PPM1L: variants seen among roughly 807,000 people sequenced by gnomAD.
PPM1L encodes protein phosphatase 1L.
In PPM1L, 13 loss-of-function variants were observed where a neutral mutation model predicts 31.4. That is an observed-to-expected ratio of 0.41 (90% CI 0.27 to 0.66). The LOEUF (loss-of-function observed/expected upper bound fraction) is 0.66, where lower values mean the gene tolerates loss of function less well. PPM1L is among the 30% of genes least tolerant of loss of function. The pLI, the probability that PPM1L is intolerant of heterozygous loss-of-function variation, is 0.29. For synonymous variants in PPM1L, 184 were observed against 175.4 expected, an observed-to-expected ratio of 1.05 and a Z score of -0.39; for missense variants, 326 against 453.7, an observed-to-expected ratio of 0.72 and a Z score of 2.56.
chr3:160,777,433 T>C (rs571315277), intron 1 of PPM1L, among the ~76,000 whole-genome samples: 1 of 152,362 alleles, frequency 6.6e-6, no homozygotes, highest in East Asian at 1.9e-4. Flanking sequence ...AGTAGTGTTA[T>C]ATGTGTTCAC....
chr3:160,935,119 AG>A (rs1483123183), intron 1 of PPM1L, among the ~76,000 whole-genome samples: 1 of 152,146 alleles, frequency 6.6e-6, no homozygotes, highest in African/African-American at 2.4e-5. Context: ...GCATGAGTGA[AG>A]ACCTGTGTGT....
At chr3:160,785,830 CTGT>C (rs1338303988) in intron 1 of PPM1L, among the ~76,000 whole-genome samples, 1 of 142,228 alleles carries the variant, frequency 7.0e-6, no homozygotes, top group Non-Finnish European at 1.5e-5. Context: ...CAGCGGTGCA[CTGT>C]TTTTTTTTTT....
intron 1 of PPM1L, among the ~76,000 whole-genome samples, chr3:160,877,038 G>C (rs933261423): frequency 2.0e-5 from 3 of 152,176 alleles, no homozygotes; most frequent in Non-Finnish European, 2.9e-5. Flanking sequence ...GTCTAGGTTT[G>C]CAGGAATCCA....
At chr3:160,957,752 A>AT (rs1303672978) in intron 1 of PPM1L, among the ~76,000 whole-genome samples, 2 of 151,528 alleles carry the variant, frequency 1.3e-5, no homozygotes, top group Non-Finnish European at 2.9e-5. Flanking sequence ...AATTTTTTGT[A>AT]TTTTTAGTAG....
chr3:160,848,376 T>G (rs1353429536), intron 1 of PPM1L, among the ~76,000 whole-genome samples: 2 of 152,042 alleles, frequency 1.3e-5, no homozygotes, highest in Non-Finnish European at 2.9e-5. Flanking sequence ...TCTAGTGGAC[T>G]TTTTTTTCCC....
chr3:160,815,960 A>G (rs1024588522), intron 1 of PPM1L, among the ~76,000 whole-genome samples: 4 of 152,152 alleles, frequency 2.6e-5, no homozygotes, highest in Non-Finnish European at 5.9e-5. Context: ...ACTGAAAGGA[A>G]GAGGAATCTA....
At position 160,961,751 on chromosome 3, in the gene PPM1L, G is replaced by A. The variant is rs1715971128; in HGVS notation, c.415G>A (p.Val139Ile). 2 of 1,583,010 alleles carry A rather than the reference G, an allele frequency of 1.3e-6. No individual in the cohort carries two copies. Among genetic ancestry groups the A allele is most frequent in the African/African-American group, 1.4e-5 (1 of 72,852 alleles). Residue 139 changes from valine to isoleucine, a missense_variant, in exon 2 of 4, where the codon GTA (valine) becomes ATA (isoleucine). Transcript: ENST00000498165. The stretch of plus-strand genomic sequence containing the variant: ...TTATCTGCAGACTGCAGCTGAATAT[G>A]TAAAATCTCGACTCCCAGAGGCCCT... ...GHGGETAAEYVKSRLPEALKQ... is the reference protein window; with the variant it reads ...GHGGETAAEYIKSRLPEALKQ...
intron 2 of PPM1L, among the ~76,000 whole-genome samples, chr3:160,974,118 G>A (rs1465689124): frequency 6.9e-5 from 10 of 144,368 alleles, no homozygotes; most frequent in East Asian, 6.1e-4. Flanking sequence ...GAGAATATGC[G>A]GTGTTTGGTT....
chr3:161,039,132 C>T (rs1718835645), intron 2 of PPM1L, among the ~76,000 whole-genome samples: 1 of 152,178 alleles, frequency 6.6e-6, no homozygotes, highest in Non-Finnish European at 1.5e-5. Context: ...AATGGACAAC[C>T]AGCAGCCCTT....
intron 1 of PPM1L, among the ~76,000 whole-genome samples, chr3:160,827,447 TTGTGTGTGTGTG>T (rs59524935): frequency 4.2e-5 from 6 of 141,452 alleles, no homozygotes; most frequent in South Asian, 2.3e-4. Flanking sequence ...TGATATAAGT[TTGTGTGTGTGTG>T]TGTGTGTGTG....
intron 1 of PPM1L, among the ~76,000 whole-genome samples, chr3:160,879,502 A>T (rs959605832): frequency 1.3e-5 from 2 of 152,134 alleles, no homozygotes; most frequent in African/African-American, 4.8e-5. Context: ...TTAGCGCTGC[A>T]TGAGGTACTG....
chr3:161,000,322 A>C (rs1717442916), intron 2 of PPM1L, among the ~76,000 whole-genome samples: 2 of 152,240 alleles, frequency 1.3e-5, no homozygotes, highest in South Asian at 4.1e-4. Context: ...AGAAAAAAGC[A>C]GTGAAGGATG....
chr3:160,845,996 C>T (rs1187465078), intron 1 of PPM1L, among the ~76,000 whole-genome samples: 1 of 151,792 alleles, frequency 6.6e-6, no homozygotes, highest in South Asian at 2.1e-4. Context: ...CTCCATTTTT[C>T]CAATTGCAAA....
chr3:160,915,932 G>A (rs1330229621), intron 1 of PPM1L, among the ~76,000 whole-genome samples: 1 of 152,188 alleles, frequency 6.6e-6, no homozygotes, highest in East Asian at 1.9e-4. Context: ...AGACTTAAAT[G>A]TTAGACCTAA....
chr3:160,793,629 C>A (rs1294490627), intron 1 of PPM1L, among the ~76,000 whole-genome samples: 1 of 152,128 alleles, frequency 6.6e-6, no homozygotes, highest in Non-Finnish European at 1.5e-5. Context: ...AAATATAATT[C>A]TTCCATGGCT....
chr3:161,032,296 C>A (rs1217822526), intron 2 of PPM1L, among the ~76,000 whole-genome samples: 2 of 152,180 alleles, frequency 1.3e-5, no homozygotes, highest in African/African-American at 2.4e-5. Flanking sequence ...CAATAGGTCA[C>A]CCCAGAATAA....
intron 1 of PPM1L, among the ~76,000 whole-genome samples, chr3:160,931,141 G>A (rs1714772399): frequency 6.6e-6 from 1 of 152,172 alleles, no homozygotes; most frequent in African/African-American, 2.4e-5. Context: ...AAAAATATGA[G>A]TTGCTCAGGC....
At chr3:160,919,080 T>C (rs1023313675) in intron 1 of PPM1L, among the ~76,000 whole-genome samples, 1 of 152,218 alleles carries the variant, frequency 6.6e-6, no homozygotes, top group Admixed American at 6.5e-5. Context: ...GGATAATGTC[T>C]TTGAAATCCT....
intron 2 of PPM1L, among the ~76,000 whole-genome samples, chr3:160,980,447 A>T (rs771597887): frequency 4.0e-5 from 6 of 151,844 alleles, no homozygotes; most frequent in Non-Finnish European, 7.4e-5. Context: ...GAGGCGTAGG[A>T]CGGGGGATTG....
Sources: allele counts gnomAD v4.1 joint callset (sites outside exome capture counted in the v4.1 genomes callset), GRCh38; gene constraint gnomAD v4.1.1; transcripts MANE v1.5; gene names NCBI Gene and HGNC (gene_info 2026-07-23, HGNC 2026-07-21).